The following CLDN1 variants were observed in gnomAD, a reference collection of about 807,000 sequenced individuals.
The protein encoded by CLDN1 is claudin-1.
A neutral mutation model predicts 22.6 loss-of-function variants in CLDN1; 12 were observed. The observed-to-expected ratio is 0.53, with a 90% CI of 0.34 to 0.86. CLDN1 has a LOEUF of 0.86. Ranked by LOEUF, CLDN1 falls within the 40% of genes least tolerant of loss-of-function variation. The pLI, the probability that CLDN1 is intolerant of heterozygous loss-of-function variation, is 0.02. For synonymous variants in CLDN1, 99 were observed against 103.8 expected (o/e 0.95, Z 0.28); for missense variants, 250 against 269.5 (o/e 0.93, Z 0.51).
intron 1 of CLDN1, among the ~76,000 whole-genome samples, chr3:190,321,656 A>G (rs922198152): frequency 3.3e-5 from 5 of 152,164 alleles, no homozygotes; most frequent in Non-Finnish European, 7.4e-5. Flanking sequence ...AAATCTCGGA[A>G]TGCCTAGGAG....
Position 190,308,244 on chromosome 3 carries a change from G to A in CLDN1, c.*33C>T. The A allele has an allele frequency of 6.2e-7, 1 of 1,612,578 alleles. No individual in the cohort carries two copies. The highest frequency in any genetic ancestry group is 8.5e-7 in the Non-Finnish European group (1 of 1,178,898). On this transcript the variant is annotated 3_prime_UTR_variant, in exon 4 of 4. Transcript: ENST00000295522. ...GTATCTCAATGTCCATTTTCGGTTT[G>A]TTTCAACATGATTTTCTCCTTTTGC...
chr3:190,322,278 C>G lies in CLDN1; in HGVS notation c.-72G>C, dbSNP rs1716949059. 1 of 1,362,694 alleles carries G rather than the reference C, an allele frequency of 7.3e-7. No individual in the cohort carries two copies. Among genetic ancestry groups the G allele is most frequent in the Admixed American group, 1.8e-5 (1 of 55,778 alleles). The allele number at this position is 1,362,694 out of a possible 1,614,324, so 84.4% of individuals were successfully genotyped here. ...GGCGGAGAGTTTGCAGGTGGGCAACCCGGACTCCCGAAGGTGGCTGGGCCC... is the reference window on the plus strand; with the variant it reads ...GGCGGAGAGTTTGCAGGTGGGCAACGCGGACTCCCGAAGGTGGCTGGGCCC... On this transcript the variant is annotated 5_prime_UTR_variant, in exon 1 of 4. Coordinates refer to ENST00000295522, the MANE Select transcript of CLDN1 (RefSeq NM_021101.5).
intron 2 of CLDN1, among the ~76,000 whole-genome samples, chr3:190,312,563 T>C (rs972854943): frequency 6.6e-6 from 1 of 152,192 alleles, no homozygotes; most frequent in Non-Finnish European, 1.5e-5. Context: ...CCATAGGAAT[T>C]ATCTGAATTA....
intron 1 of CLDN1, among the ~76,000 whole-genome samples, chr3:190,314,559 TA>T (rs1350189587): frequency 7.0e-5 from 9 of 128,610 alleles, no homozygotes; most frequent in Non-Finnish European, 1.1e-4. Flanking sequence ...CATGCCTGGC[TA>T]AATTTTTTTT....
chr3:190,316,153 A>G, intron 1 of CLDN1, among the ~76,000 whole-genome samples: 1 of 152,222 alleles, frequency 6.6e-6, no homozygotes, highest in East Asian at 1.9e-4. Flanking sequence ...TTTGCATAAT[A>G]CACAAAAAGT....
chr3:190,315,651 C>A (rs1038735335), intron 1 of CLDN1, among the ~76,000 whole-genome samples: 3 of 152,090 alleles, frequency 2.0e-5, no homozygotes, highest in African/African-American at 7.2e-5. Context: ...CTTTTTCAAC[C>A]TTTTATTAAT....
At position 190,306,469 on chromosome 3, in the gene CLDN1, C is replaced by G. The variant is rs193237150; in HGVS notation, c.*1808G>C. Reference sequence around the variant, plus strand: ...TCCTCAATTCTTTCCCTTAGTATAGCACTTTTTAAATTACAAAACCACACT... The same window carrying G: ...TCCTCAATTCTTTCCCTTAGTATAGGACTTTTTAAATTACAAAACCACACT... On this transcript the variant is annotated 3_prime_UTR_variant, in exon 4 of 4. Coordinates refer to ENST00000295522, the MANE Select transcript of CLDN1 (RefSeq NM_021101.5). 1.3e-5 allele frequency: 2 copies of G among 152,290 alleles called. No individual in the cohort carries two copies. The highest frequency in any genetic ancestry group is 3.9e-4 in the East Asian group (2 of 5,176). 9.4% of individuals were successfully genotyped at this position (152,290 alleles called of 1,614,324 possible). A position where few individuals can be genotyped will look rare whatever the true frequency, so the allele number is the denominator to read the frequency against.
intron 1 of CLDN1, among the ~76,000 whole-genome samples, chr3:190,315,081 T>C (rs750328842): frequency 6.6e-5 from 10 of 152,198 alleles, no homozygotes; most frequent in Admixed American, 2.0e-4. Flanking sequence ...TTCTGATGGA[T>C]GGTTTTTGCA....
In CLDN1 at chr3:190,315,935, C is replaced by T. The variant is rs551080228; in HGVS notation, c.224-2899G>A. Among the ~76,000 whole-genome samples the T allele has an allele frequency of 8.5e-5, 13 of 152,316 alleles. No homozygotes were observed. The South Asian group carries it at 1.0e-3, about 12-fold the overall frequency. On this transcript the variant is annotated intron_variant, in intron 1 of 3. Coordinates refer to ENST00000295522, the MANE Select transcript of CLDN1 (RefSeq NM_021101.5). Reference sequence around the variant, plus strand: ...ATAAACTACTCCAGGGCCCTTACTGCACCCACCTGGAATGACCTAATATTC... The same window carrying T: ...ATAAACTACTCCAGGGCCCTTACTGTACCCACCTGGAATGACCTAATATTC...
intron 1 of CLDN1, among the ~76,000 whole-genome samples, chr3:190,319,781 G>A (rs1406789605): frequency 6.6e-6 from 1 of 152,140 alleles, no homozygotes; most frequent in South Asian, 2.1e-4. Flanking sequence ...TAACAAAACT[G>A]TACCAAAACC....
At chr3:190,316,054 G>A (rs1467621670) in intron 1 of CLDN1, among the ~76,000 whole-genome samples, 5 of 152,156 alleles carry the variant, frequency 3.3e-5, no homozygotes, top group Admixed American at 6.5e-5. Context: ...TCTACAAAGT[G>A]TTCTTTCCAA....
At chr3:190,313,107 G>A (rs1716671660) in intron 1 of CLDN1, 71 bp from the exon 2 acceptor site, 1 of 1,553,416 alleles carries the variant, frequency 6.4e-7, no homozygotes, top group African/African-American at 1.4e-5. Context: ...AGAAGACCAA[G>A]TATATGTCAC....
intron 1 of CLDN1, among the ~76,000 whole-genome samples, chr3:190,317,846 C>T (rs1406452542): frequency 1.3e-5 from 2 of 152,196 alleles, no homozygotes; most frequent in East Asian, 1.9e-4. Context: ...TATAAGTGGA[C>T]ACTTGCTGTT....
chr3:190,308,348 T>C lies in CLDN1; in HGVS notation c.565A>G (p.Lys189Glu), dbSNP rs199998460. The C allele has an allele frequency of 5.6e-5, 91 of 1,613,796 alleles. No homozygotes were observed. Among genetic ancestry groups the C allele is most frequent in the Non-Finnish European group, 7.1e-5 (84 of 1,179,906 alleles). The change falls in exon 4 of 4, where the codon AAA becomes GAA. Residue 189 changes from lysine (K) to glutamate (E), a missense_variant. Physicochemically the swap from Lys to Glu is moderately conservative, Grantham distance 56. Coordinates refer to ENST00000295522, the MANE Select transcript of CLDN1 (RefSeq NM_021101.5). ...GALLCCSCPRKTTSYPTPRPY... is the reference protein window; with the variant it reads ...GALLCCSCPRETTSYPTPRPY... ...CTTGGTGTTGGGTAAGAGGTTGTTTTTCGGGGACAGGAACAGCAAAGTAGG... is the reference window on the plus strand; with the variant it reads ...CTTGGTGTTGGGTAAGAGGTTGTTTCTCGGGGACAGGAACAGCAAAGTAGG...
At chr3:190,311,716 A>T (rs898142642) in intron 2 of CLDN1, among the ~76,000 whole-genome samples, 3 of 151,354 alleles carry the variant, frequency 2.0e-5, no homozygotes, top group Non-Finnish European at 4.4e-5. Context: ...TATGGAGATT[A>T]TCAACATATA....
chr3:190,309,655 G>C (rs1716558959), intron 3 of CLDN1, among the ~76,000 whole-genome samples: 1 of 152,054 alleles, frequency 6.6e-6, no homozygotes, highest in South Asian at 2.1e-4. Context: ...TTACAGTTGT[G>C]AAAGAACAAA....
intron 1 of CLDN1, among the ~76,000 whole-genome samples, chr3:190,315,591 T>C (rs1716744714): frequency 6.6e-6 from 1 of 152,184 alleles, no homozygotes; most frequent in African/African-American, 2.4e-5. Flanking sequence ...CAAGCATCTA[T>C]AGCATCTTAC....
Position 190,307,153 on chromosome 3 carries a change from G to A in CLDN1, c.*1124C>T, listed in dbSNP as rs2108604291. On this transcript the variant is annotated 3_prime_UTR_variant, in exon 4 of 4. Coordinates refer to ENST00000295522, the MANE Select transcript of CLDN1 (RefSeq NM_021101.5). ...CTCAATTTGGCAGATAGAAAAAAGA[G>A]GTAGAAAGATTAAGTGACTTGCTTA... 1 of 152,724 alleles carries A rather than the reference G, an allele frequency of 6.5e-6. No individual in the cohort carries two copies. Among genetic ancestry groups the A allele is most frequent in the South Asian group, 2.1e-4 (1 of 4,826 alleles). 9.5% of individuals were successfully genotyped at this position (152,724 alleles called of 1,614,324 possible). A position where few individuals can be genotyped will look rare whatever the true frequency, so the allele number is the denominator to read the frequency against.
chr3:190,313,233 A>T, intron 1 of CLDN1, 197 bp from the exon 2 acceptor site: 1 of 592,484 alleles, frequency 1.7e-6, no homozygotes, highest in Non-Finnish European at 3.0e-6. Flanking sequence ...GCCAGGCTGG[A>T]TGATGAAAAA....
Sources: gnomAD v4.1 joint callset for allele counts (sites outside exome capture counted in the v4.1 genomes callset) on GRCh38, gnomAD v4.1.1 for gene constraint, MANE v1.5 for transcripts, NCBI Gene and HGNC (gene_info 2026-07-23, HGNC 2026-07-21) for gene names.